PRLR: variants seen among roughly 807,000 people sequenced by gnomAD.
PRLR encodes the protein hPRL receptor.
In PRLR, 13 loss-of-function variants were observed where a neutral mutation model predicts 40.2. The ratio of observed to expected loss-of-function variants is 0.32; its 90% CI spans 0.21 to 0.51. PRLR has a LOEUF of 0.51. PRLR is among the 20% of genes least tolerant of loss of function. The probability of loss-of-function intolerance (pLI) is 0.97; values close to 1 mark genes in which losing one functional copy is unlikely to be tolerated. For missense variants in PRLR, 656 were observed against 747.3 expected (o/e 0.88, Z 1.42); for synonymous variants, 269 against 278.7 (o/e 0.97, Z 0.35).
intron 1 of PRLR, among the ~76,000 whole-genome samples, chr5:35,179,099 A>G (rs537388763): frequency 8.5e-5 from 13 of 152,200 alleles, no homozygotes; most frequent in Non-Finnish European, 1.6e-4. Context: ...CAGAATCCCA[A>G]CTACTCCTGA....
intron 8 of PRLR, among the ~76,000 whole-genome samples, chr5:35,050,599 G>T (rs1768462277): frequency 6.6e-6 from 1 of 152,144 alleles, no homozygotes; most frequent in Non-Finnish European, 1.5e-5. Context: ...CACAAATGGG[G>T]AAACTTGGAA....
intron 1 of PRLR, among the ~76,000 whole-genome samples, chr5:35,212,047 T>C (rs1021816639): frequency 7.2e-5 from 11 of 152,214 alleles, no homozygotes; most frequent in African/African-American, 2.7e-4. Flanking sequence ...ACTATCTGGC[T>C]CTTTATGAAA....
At chr5:35,088,719 C>T (rs1329358846) in intron 3 of PRLR, among the ~76,000 whole-genome samples, 1 of 152,054 alleles carries the variant, frequency 6.6e-6, no homozygotes, top group Non-Finnish European at 1.5e-5. Context: ...ACCACATATA[C>T]AGGTATGTAG....
rs577636232 is a variant in PRLR at position 35,128,562 on chromosome 5, G to C, written c.-105-10440C>G. 6.6e-5 allele frequency among the ~76,000 whole-genome samples: 10 copies of C among 151,746 alleles called. 1 individual carries two copies. The highest frequency in any genetic ancestry group is 2.4e-4 in the African/African-American group (10 of 41,406). On this transcript the variant is annotated intron_variant, in intron 1 of 9. Coordinates refer to ENST00000618457, the MANE Select transcript of PRLR (RefSeq NM_000949.7). ...TTATCCTTGATTGGTTGAATTCATG[G>C]ATGTAAAACTTGCGAATACAAAGGG...
intron 1 of PRLR, among the ~76,000 whole-genome samples, chr5:35,213,624 C>T (rs1461124769): frequency 6.6e-6 from 1 of 152,148 alleles, no homozygotes; most frequent in African/African-American, 2.4e-5. Flanking sequence ...AGTAAATAGA[C>T]AGAACCAAAA....
At chr5:35,139,949 A>C (rs1773968679) in intron 1 of PRLR, among the ~76,000 whole-genome samples, 1 of 152,244 alleles carries the variant, frequency 6.6e-6, no homozygotes, top group Non-Finnish European at 1.5e-5. Flanking sequence ...CAAGTAGAGA[A>C]AATAAAAGTC....
intron 9 of PRLR, 134 bp downstream of exon 9, chr5:35,068,082 C>T (rs1171487504): frequency 4.0e-6 from 3 of 757,860 alleles, no homozygotes; most frequent in African/African-American, 3.4e-5. Context: ...AACACACATG[C>T]TGACCAGGAG....
intron 1 of PRLR, among the ~76,000 whole-genome samples, chr5:35,144,217 A>T (rs1322660910): frequency 6.6e-6 from 1 of 151,850 alleles, no homozygotes; most frequent in Non-Finnish European, 1.5e-5. Context: ...AAGATTTAGC[A>T]TACTGCTTGA....
At chr5:35,114,087 C>T (rs758791440) in intron 2 of PRLR, among the ~76,000 whole-genome samples, 2 of 152,240 alleles carry the variant, frequency 1.3e-5, no homozygotes, top group East Asian at 3.9e-4. Context: ...TTCAAGGGCT[C>T]GGTTGTCAGC....
At chr5:35,174,693 C>A (rs915868965) in intron 1 of PRLR, among the ~76,000 whole-genome samples, 1 of 152,196 alleles carries the variant, frequency 6.6e-6, no homozygotes, top group African/African-American at 2.4e-5. Context: ...CTCCTTGCCT[C>A]CTGTTGTATG....
In PRLR at chr5:35,102,108, G is replaced by A. The variant is rs939034249; in HGVS notation, c.-43-12445C>T. ...CTCCCAAAGTGCCGTGATTACAGAC[G>A]TGAGCCACCACGCCCGGCCAAACTT... is the stretch of plus-strand genomic sequence containing the variant. On this transcript the variant is annotated intron_variant, in intron 2 of 9. Coordinates refer to ENST00000618457, the MANE Select transcript of PRLR (RefSeq NM_000949.7). Among the ~76,000 whole-genome samples the A allele has an allele frequency of 5.3e-5, 8 of 152,148 alleles. No homozygotes were observed. The South Asian group carries it at 1.0e-3, about 20-fold the overall frequency.
At position 35,064,101 on chromosome 5, in the gene PRLR, C is replaced by T. The variant is rs898987533; in HGVS notation, c.*988G>A. On this transcript the variant is annotated 3_prime_UTR_variant, in exon 10 of 10. Transcript: ENST00000618457. The stretch of plus-strand genomic sequence containing the variant: ...TAACCTTGCAGCAGAAAATACTGTA[C>T]CCACTGAATACATAAACAGCTGTAC... 2 of 151,998 alleles carry T rather than the reference C, an allele frequency of 1.3e-5. No homozygotes were observed. Among genetic ancestry groups the T allele is most frequent in the East Asian group, 1.9e-4 (1 of 5,194 alleles). 9.4% of individuals were successfully genotyped at this position (151,998 alleles called of 1,614,324 possible).
chr5:35,098,746 C>T (rs144598278), intron 2 of PRLR, among the ~76,000 whole-genome samples: 1,641 of 152,274 alleles, frequency 0.011, 23 homozygotes, highest in Non-Finnish European at 0.014. Context: ...TATTGGCATA[C>T]TGGCACTGCT....
chr5:35,070,732 A>C, intron 6 of PRLR, among the ~76,000 whole-genome samples: 1 of 151,318 alleles, frequency 6.6e-6, no homozygotes. Context: ...AATCCCAGCT[A>C]CTTGGGAAGG....
At chr5:35,159,315 G>T (rs1340471959) in intron 1 of PRLR, among the ~76,000 whole-genome samples, 1 of 38,262 alleles carries the variant, frequency 2.6e-5, no homozygotes, top group Non-Finnish European at 6.9e-5. Flanking sequence ...CTCCAATCAA[G>T]ATAGGAAAAA....
At chr5:35,182,583 C>T (rs972365190) in intron 1 of PRLR, among the ~76,000 whole-genome samples, 16 of 152,190 alleles carry the variant, frequency 1.1e-4, no homozygotes, top group African/African-American at 3.9e-4. Flanking sequence ...CTTTATTTCA[C>T]ACAGAAACAA....
intron 2 of PRLR, among the ~76,000 whole-genome samples, chr5:35,107,307 A>T (rs1239626839): frequency 6.6e-6 from 1 of 152,214 alleles, no homozygotes; most frequent in Non-Finnish European, 1.5e-5. Flanking sequence ...TAACATCACA[A>T]TTAGAAGAAC....
intron 1 of PRLR, among the ~76,000 whole-genome samples, chr5:35,147,376 A>G (rs78460380): frequency 0.026 from 3,932 of 152,228 alleles, 86 homozygotes; most frequent in Middle Eastern, 0.092. Context: ...CTATATTTCC[A>G]TCTCAAGAAT....
chr5:35,093,889 T>A (rs192755296), intron 2 of PRLR, among the ~76,000 whole-genome samples: 48 of 152,366 alleles, frequency 3.2e-4, no homozygotes, highest in African/African-American at 1.0e-3. Context: ...TATTCAGTTC[T>A]GTGACAGCTG....
Sources: gnomAD v4.1 joint callset for allele counts (sites outside exome capture counted in the v4.1 genomes callset) on GRCh38, gnomAD v4.1.1 for gene constraint, MANE v1.5 for transcripts, NCBI Gene and HGNC (gene_info 2026-07-23, HGNC 2026-07-21) for gene names.